CNBD1: variants seen among roughly 807,000 people sequenced by gnomAD.
CNBD1 encodes cyclic nucleotide-binding domain-containing protein 1.
Under a neutral mutation model 54.4 loss-of-function variants are expected in CNBD1, and 71 were observed. The ratio of observed to expected loss-of-function variants is 1.30; its 90% CI spans 1.08 to 1.59. The LOEUF (loss-of-function observed/expected upper bound fraction) is 1.59, where lower values mean the gene tolerates loss of function less well. Among genes scored for constraint, CNBD1 ranks in the 40% most tolerant of loss-of-function variants. The probability of loss-of-function intolerance (pLI) is 0.00; values close to 1 mark genes in which losing one functional copy is unlikely to be tolerated. For missense variants in CNBD1, 659 were observed against 518.0 expected, an observed-to-expected ratio of 1.27 and a Z score of -2.64; for synonymous variants, 182 against 170.7, an observed-to-expected ratio of 1.07 and a Z score of -0.51.
chr8:87,155,315 A>G (rs933599041), intron 4 of CNBD1, among the ~76,000 whole-genome samples: 42 of 152,192 alleles, frequency 2.8e-4, no homozygotes, highest in African/African-American at 8.9e-4. Context: ...GAACCACTAA[A>G]GTATTTTAAC....
intron 4 of CNBD1, among the ~76,000 whole-genome samples, chr8:87,037,737 C>A (rs539710148): frequency 1.3e-5 from 2 of 151,984 alleles, no homozygotes; most frequent in South Asian, 4.2e-4. Context: ...GTATCCTAAC[C>A]CTTTATGTAA....
intron 4 of CNBD1, among the ~76,000 whole-genome samples, chr8:86,955,386 T>C (rs1051875050): frequency 1.1e-4 from 17 of 152,318 alleles, no homozygotes; most frequent in African/African-American, 3.8e-4. Flanking sequence ...TTTCTAGTTC[T>C]AGATCCCTGA....
chr8:87,027,140 A>G (rs1483813104), intron 4 of CNBD1, among the ~76,000 whole-genome samples: 1 of 152,206 alleles, frequency 6.6e-6, no homozygotes. Context: ...ATGTACGTAC[A>G]TAAATACTTC....
At chr8:87,388,870 A>G (rs1811248846) in intron 2 of CNBD1, among the ~76,000 whole-genome samples, 1 of 152,226 alleles carries the variant, frequency 6.6e-6, no homozygotes, top group South Asian at 2.1e-4. Flanking sequence ...TGGCAAACTG[A>G]ATCCAGCAGC....
At chr8:87,370,824 A>T (rs1388307322) in intron 10 of CNBD1, among the ~76,000 whole-genome samples, 1 of 149,878 alleles carries the variant, frequency 6.7e-6, no homozygotes, top group East Asian at 1.9e-4. Flanking sequence ...CTGAATGGTA[A>T]TGCCTAGGTT....
chr8:87,248,481 C>T (rs1403052346), intron 6 of CNBD1, among the ~76,000 whole-genome samples: 3 of 152,182 alleles, frequency 2.0e-5, no homozygotes, highest in African/African-American at 7.2e-5. Flanking sequence ...ATAATTGCTT[C>T]TATTCTTTGT....
intron 2 of CNBD1, among the ~76,000 whole-genome samples, chr8:87,388,355 A>G (rs1214214575): frequency 8.3e-6 from 1 of 120,056 alleles, no homozygotes; most frequent in Admixed American, 7.7e-5. Flanking sequence ...ATAGACCGCT[A>G]GAAAGACTAA....
At chr8:87,223,131 A>G (rs1036481110) in intron 5 of CNBD1, among the ~76,000 whole-genome samples, 1 of 150,828 alleles carries the variant, frequency 6.6e-6, no homozygotes, top group Non-Finnish European at 1.5e-5. Flanking sequence ...GACCCCATCA[A>G]CCAGTTTCAA....
chr8:87,399,819 T>G (rs970608065), intron 2 of CNBD1, among the ~76,000 whole-genome samples: 4 of 151,922 alleles, frequency 2.6e-5, no homozygotes, highest in African/African-American at 9.7e-5. Context: ...GAAAAAGTAT[T>G]TCAATGTTTT....
At chr8:87,115,070 A>C (rs1039048895) in intron 4 of CNBD1, among the ~76,000 whole-genome samples, 4 of 152,230 alleles carry the variant, frequency 2.6e-5, no homozygotes, top group African/African-American at 9.7e-5. Flanking sequence ...ATTGGACCTT[A>C]ATGGCAATTT....
At chr8:87,268,138 C>A (rs1163792518) in intron 6 of CNBD1, among the ~76,000 whole-genome samples, 1 of 152,044 alleles carries the variant, frequency 6.6e-6, no homozygotes, top group Non-Finnish European at 1.5e-5. Flanking sequence ...CAGGGTCTAT[C>A]AGTCCCATAT....
intron 4 of CNBD1, among the ~76,000 whole-genome samples, chr8:87,120,475 G>T (rs1811867632): frequency 6.6e-6 from 1 of 151,622 alleles, no homozygotes; most frequent in Admixed American, 6.6e-5. Flanking sequence ...CTCTTGGTTA[G>T]TCTAGCTAGT....
At chr8:87,146,911 A>G (rs1812501800) in intron 4 of CNBD1, among the ~76,000 whole-genome samples, 1 of 152,180 alleles carries the variant, frequency 6.6e-6, no homozygotes, top group South Asian at 2.1e-4. Context: ...TTAAAAATAC[A>G]TTAAAGACAC....
chr8:87,239,343 C>T (rs530660062), intron 6 of CNBD1, among the ~76,000 whole-genome samples: 9 of 152,124 alleles, frequency 5.9e-5, no homozygotes, highest in African/African-American at 1.9e-4. Context: ...TGTTATGAAA[C>T]ATGCTGCTCT....
At chr8:87,026,333 C>T (rs1231655025) in intron 4 of CNBD1, among the ~76,000 whole-genome samples, 3 of 151,716 alleles carry the variant, frequency 2.0e-5, no homozygotes, top group African/African-American at 4.8e-5. Flanking sequence ...TCCTTCCCTT[C>T]TTGCTTCCTT....
intron 4 of CNBD1, among the ~76,000 whole-genome samples, chr8:87,141,628 T>C (rs1299703978): frequency 6.6e-6 from 1 of 152,030 alleles, no homozygotes; most frequent in South Asian, 2.1e-4. Context: ...CTATGTGTAA[T>C]ATTTTCAAAT....
At chr8:86,909,599 C>T (rs746479384) in intron 3 of CNBD1, among the ~76,000 whole-genome samples, 3 of 151,708 alleles carry the variant, frequency 2.0e-5, no homozygotes, top group Non-Finnish European at 4.4e-5. Flanking sequence ...CATATGTATA[C>T]ATGTGCCATG....
At chr8:87,159,416 A>G (rs971306172) in intron 4 of CNBD1, among the ~76,000 whole-genome samples, 2 of 152,144 alleles carry the variant, frequency 1.3e-5, no homozygotes, top group Non-Finnish European at 2.9e-5. Context: ...AAAACAATAA[A>G]GTTATAATTA....
chr8:87,180,800 A>G (rs1208755686), intron 4 of CNBD1, among the ~76,000 whole-genome samples: 1 of 152,202 alleles, frequency 6.6e-6, no homozygotes, highest in Non-Finnish European at 1.5e-5. Context: ...TTTATGTACT[A>G]GGGAATGGGG....
Sources: gnomAD v4.1 joint callset for allele counts (sites outside exome capture counted in the v4.1 genomes callset) on GRCh38, gnomAD v4.1.1 for gene constraint, MANE v1.5 for transcripts, NCBI Gene and HGNC (gene_info 2026-07-23, HGNC 2026-07-21) for gene names.